The following VAV3 variants were observed in gnomAD, a reference collection of about 807,000 sequenced individuals.
The protein encoded by VAV3 is guanine nucleotide exchange factor VAV3.
In VAV3, 94 loss-of-function variants were observed where a neutral mutation model predicts 131.2. The ratio of observed to expected loss-of-function variants is 0.72; its 90% CI spans 0.61 to 0.85. VAV3 has a LOEUF of 0.85. Among genes scored for constraint, VAV3 ranks in the 40% least tolerant of loss-of-function variants. VAV3 has a pLI of 0.00. For missense variants in VAV3, 939 were observed against 1,002.7 expected (o/e 0.94, Z 0.86); for synonymous variants, 349 against 342.0 (o/e 1.02, Z -0.22).
chr1:107,769,021 G>A (rs542615139), intron 6 of VAV3, among the ~76,000 whole-genome samples: 1 of 152,062 alleles, frequency 6.6e-6, no homozygotes, highest in East Asian at 1.9e-4. Context: ...TCAGTTCCTT[G>A]ACCACAAATA....
chr1:107,856,204 G>C (rs769865463), intron 2 of VAV3, among the ~76,000 whole-genome samples: 1 of 152,202 alleles, frequency 6.6e-6, no homozygotes, highest in Non-Finnish European at 1.5e-5. Flanking sequence ...TACAAGGAGA[G>C]ACACTGAAGG....
chr1:107,589,234 T>C (rs560394769), intron 25 of VAV3, among the ~76,000 whole-genome samples: 1 of 152,318 alleles, frequency 6.6e-6, no homozygotes, highest in Non-Finnish European at 1.5e-5. Flanking sequence ...CCTGTGAACC[T>C]GTGAATGTGA....
At chr1:107,838,865 C>T (rs1009745950) in intron 2 of VAV3, among the ~76,000 whole-genome samples, 1 of 152,100 alleles carries the variant, frequency 6.6e-6, no homozygotes, top group Non-Finnish European at 1.5e-5. Flanking sequence ...TCAAATAATG[C>T]ATGTTCTCAC....
intron 2 of VAV3, among the ~76,000 whole-genome samples, chr1:107,841,296 G>A (rs890535517): frequency 2.6e-5 from 4 of 151,608 alleles, no homozygotes; most frequent in Non-Finnish European, 5.9e-5. Flanking sequence ...GAAAGGGGGG[G>A]GTAGAAAAAG....
rs1208144593 is a variant in VAV3, at chr1:107,700,636, T to G, written c.1705+3914A>C. ...GTCCCTGTAAAGGACATGATCTCAT[T>G]CCTCTTTATGTCGGCATGGTATTCT... is the stretch of plus-strand genomic sequence containing the variant. On this transcript the variant is annotated intron_variant, in intron 17 of 26. Transcript: ENST00000370056. Among the ~76,000 whole-genome samples, 4 of 152,202 alleles carry G rather than the reference T, an allele frequency of 2.6e-5. No homozygotes were observed. In the East Asian group the frequency reaches 7.7e-4, roughly 29 times the overall value.
At position 107,821,826 on chromosome 1, in the gene VAV3, C is replaced by T. The variant is rs755248747; in HGVS notation, c.322-42334G>A. Among the ~76,000 whole-genome samples the T allele has an allele frequency of 1.7e-4, 26 of 152,280 alleles. No homozygotes were observed. The South Asian group carries it at 2.1e-3, about 12-fold the overall frequency. ...CCGAAATGCAGGTTTCCTCACTCTCCGCTTGCAGAGTCCAATTAACAAGAG... is the reference window on the plus strand; with the variant it reads ...CCGAAATGCAGGTTTCCTCACTCTCTGCTTGCAGAGTCCAATTAACAAGAG... On this transcript the variant is annotated intron_variant, in intron 2 of 26. Coordinates refer to ENST00000370056, the MANE Select transcript of VAV3 (RefSeq NM_006113.5).
chr1:107,780,713 G>C (rs1225923564), intron 2 of VAV3, among the ~76,000 whole-genome samples: 1 of 151,962 alleles, frequency 6.6e-6, no homozygotes, highest in Non-Finnish European at 1.5e-5. Flanking sequence ...ATGCAGTTTC[G>C]CTATGTCGGC....
intron 24 of VAV3, among the ~76,000 whole-genome samples, chr1:107,599,902 CA>C (rs569530623): frequency 1.5e-4 from 22 of 149,964 alleles, no homozygotes; most frequent in Non-Finnish European, 3.3e-4. Context: ...TTATAATAGA[CA>C]AGTGTGTTAT....
At chr1:107,900,525 T>A (rs1285228186) in intron 1 of VAV3, among the ~76,000 whole-genome samples, 2 of 152,168 alleles carry the variant, frequency 1.3e-5, no homozygotes, top group Non-Finnish European at 1.5e-5. Context: ...GGCCATACCA[T>A]ATCAGACCCA....
At chr1:107,612,128 T>TTATA (rs3040786) in intron 21 of VAV3, among the ~76,000 whole-genome samples, 1 of 148,454 alleles carries the variant, frequency 6.7e-6, no homozygotes, top group African/African-American at 2.5e-5. Context: ...CCGTACAAAA[T>TTATA]TATATATATA....
intron 1 of VAV3, among the ~76,000 whole-genome samples, chr1:107,910,684 A>C (rs1183296043): frequency 2.0e-5 from 3 of 152,226 alleles, no homozygotes; most frequent in East Asian, 1.9e-4. Flanking sequence ...TCAGCTTTTA[A>C]AGGGTAGGCT....
chr1:107,704,020 T>C (rs1660292625), intron 17 of VAV3, among the ~76,000 whole-genome samples: 2 of 152,168 alleles, frequency 1.3e-5, no homozygotes, highest in African/African-American at 4.8e-5. Flanking sequence ...GGGGAAAATA[T>C]TTACATAAAA....
intron 15 of VAV3, among the ~76,000 whole-genome samples, chr1:107,732,721 G>C (rs1417954023): frequency 6.6e-6 from 1 of 152,162 alleles, no homozygotes; most frequent in Non-Finnish European, 1.5e-5. Context: ...AGCTCGACCT[G>C]GGTGGAGCCC....
chr1:107,933,286 T>G (rs1460779016), intron 1 of VAV3, among the ~76,000 whole-genome samples: 3 of 149,920 alleles, frequency 2.0e-5, no homozygotes, highest in Non-Finnish European at 4.5e-5. Context: ...TTTTTTGTGT[T>G]TTTTTTTTTC....
intron 2 of VAV3, among the ~76,000 whole-genome samples, chr1:107,838,536 T>C (rs192733556): frequency 8.7e-4 from 132 of 152,262 alleles, no homozygotes; most frequent in African/African-American, 3.0e-3. Flanking sequence ...GGAGAGCAGT[T>C]TGGAGATTTC....
At chr1:107,813,005 C>A (rs1040384064) in intron 2 of VAV3, among the ~76,000 whole-genome samples, 2 of 151,872 alleles carry the variant, frequency 1.3e-5, no homozygotes, top group Admixed American at 6.6e-5. Context: ...CACCTGTAGT[C>A]CCAGCTACTT....
intron 2 of VAV3, among the ~76,000 whole-genome samples, chr1:107,843,028 T>C (rs1037733462): frequency 1.3e-5 from 2 of 152,144 alleles, no homozygotes; most frequent in Admixed American, 1.3e-4. Context: ...GAGAATGCTA[T>C]TTGAATTCCT....
At chr1:107,944,242 C>G (rs1674139907) in intron 1 of VAV3, among the ~76,000 whole-genome samples, 1 of 152,212 alleles carries the variant, frequency 6.6e-6, no homozygotes, top group Non-Finnish European at 1.5e-5. Context: ...TACCCTCTCC[C>G]CATGTGGTAA....
At chr1:107,964,632 G>T (rs982955588) in intron 1 of VAV3, 34 bp downstream of exon 1, 2 of 1,600,884 alleles carry the variant, frequency 1.2e-6, no homozygotes. Context: ...GGAGCTGCCG[G>T]CTGGAGGCGG....
Sources: allele counts gnomAD v4.1 joint callset (sites outside exome capture counted in the v4.1 genomes callset), GRCh38; gene constraint gnomAD v4.1.1; transcripts MANE v1.5; gene names NCBI Gene and HGNC (gene_info 2026-07-23, HGNC 2026-07-21).